HDAC9: variants seen among roughly 807,000 people sequenced by gnomAD.
The protein encoded by HDAC9 is histone deacetylase 9, also known as MEF-2 interacting transcription repressor (MITR) protein.
In HDAC9, 41 loss-of-function variants were observed where a neutral mutation model predicts 139.4. The observed-to-expected ratio is 0.29, with a 90% CI of 0.23 to 0.38. HDAC9 has a LOEUF of 0.38. HDAC9 is among the 10% of genes least tolerant of loss of function. HDAC9 has a pLI of 1.00. For missense variants in HDAC9, 1,147 were observed against 1,297.0 expected (o/e 0.88, Z 1.78); for synonymous variants, 517 against 476.2 (o/e 1.09, Z -1.12).
At chr7:18,566,308 T>G (rs948694198) in intron 2 of HDAC9, among the ~76,000 whole-genome samples, 2 of 152,366 alleles carry the variant, frequency 1.3e-5, no homozygotes, top group Non-Finnish European at 2.9e-5. Flanking sequence ...TAGATAAAGC[T>G]TTCTTCAGAG....
intron 2 of HDAC9, among the ~76,000 whole-genome samples, chr7:18,279,196 A>G (rs1007923515): frequency 5.3e-5 from 8 of 152,014 alleles, no homozygotes; most frequent in African/African-American, 1.9e-4. Flanking sequence ...TTGACACAAC[A>G]CAAGGAGATG....
chr7:18,841,531 C>T (rs1239815152), intron 21 of HDAC9, among the ~76,000 whole-genome samples: 2 of 151,992 alleles, frequency 1.3e-5, no homozygotes, highest in East Asian at 1.9e-4. Context: ...TCTTGAGCTT[C>T]GGTAGGTTTC....
chr7:18,458,260 C>T (rs1445951710), intron 1 of HDAC9, among the ~76,000 whole-genome samples: 1 of 152,146 alleles, frequency 6.6e-6, no homozygotes, highest in Non-Finnish European at 1.5e-5. Context: ...AAATGAAAAC[C>T]TGAACTAGGC....
At chr7:18,994,432 A>G (rs985889219) in intron 25 of HDAC9, among the ~76,000 whole-genome samples, 7 of 152,216 alleles carry the variant, frequency 4.6e-5, no homozygotes, top group South Asian at 2.1e-4. Context: ...TTTCTGAAGT[A>G]TGACTCATTT....
At chr7:18,208,208 C>T (rs1165784935) in intron 2 of HDAC9, among the ~76,000 whole-genome samples, 1 of 152,042 alleles carries the variant, frequency 6.6e-6, no homozygotes, top group Non-Finnish European at 1.5e-5. Flanking sequence ...AATTCAAATG[C>T]TTATAGTTAC....
At chr7:18,764,848 A>T (rs1242473977) in intron 15 of HDAC9, among the ~76,000 whole-genome samples, 1 of 152,140 alleles carries the variant, frequency 6.6e-6, no homozygotes, top group Non-Finnish European at 1.5e-5. Context: ...TAGAGTTAGG[A>T]GGAAGGGTTT....
At chr7:18,915,508 A>G (rs539615579) in intron 22 of HDAC9, among the ~76,000 whole-genome samples, 18 of 152,122 alleles carry the variant, frequency 1.2e-4, no homozygotes, top group African/African-American at 4.1e-4. Flanking sequence ...AAAAATTACA[A>G]AAAATTATGT....
chr7:18,283,573 A>G (rs137897115), intron 2 of HDAC9, among the ~76,000 whole-genome samples: 2 of 152,290 alleles, frequency 1.3e-5, no homozygotes, highest in Admixed American at 6.5e-5. Flanking sequence ...TCTTTTTTGC[A>G]TAATAGGTTG....
intron 1 of HDAC9, among the ~76,000 whole-genome samples, chr7:18,370,379 A>AT (rs1447554890): frequency 6.6e-6 from 1 of 152,148 alleles, no homozygotes; most frequent in Non-Finnish European, 1.5e-5. Context: ...GAAAACATTA[A>AT]TTTAGAGGGT....
chr7:18,965,370 A>G (rs529250740), intron 24 of HDAC9, among the ~76,000 whole-genome samples: 16 of 152,218 alleles, frequency 1.1e-4, no homozygotes, highest in Admixed American at 2.0e-4. Flanking sequence ...GAATATATCA[A>G]AACATTGACA....
chr7:18,534,566 A>G (rs1810224339), intron 2 of HDAC9, among the ~76,000 whole-genome samples: 1 of 152,134 alleles, frequency 6.6e-6, no homozygotes, highest in Non-Finnish European at 1.5e-5. Flanking sequence ...TTAGAGAGAG[A>G]GAGAAAAAGA....
At position 18,675,333 on chromosome 7, in the gene HDAC9, C is replaced by T. The variant is rs374919738; in HGVS notation, c.1731+8857C>T. Among the ~76,000 whole-genome samples the T allele has an allele frequency of 2.0e-4, 31 of 152,140 alleles. 1 individual carries two copies. Among genetic ancestry groups the T allele is most frequent in the African/African-American group, 7.5e-4 (31 of 41,526 alleles). On this transcript the variant is annotated intron_variant, in intron 12 of 25. Transcript: ENST00000686413. ...GTTGCAACTCCAACTTCCCCACCTACTAGCAACTCCATGTGAAGTAAATTA... is the reference window on the plus strand; with the variant it reads ...GTTGCAACTCCAACTTCCCCACCTATTAGCAACTCCATGTGAAGTAAATTA...
chr7:18,666,264 GA>G lies in HDAC9; in HGVS notation c.1521del (p.Ala508GlnfsTer41). 6.2e-7 allele frequency: 1 copy of G among 1,613,406 alleles called. No homozygotes were observed. Among genetic ancestry groups the G allele is most frequent in the East Asian group, 2.2e-5 (1 of 44,806 alleles). ...QLKQPGSHLE[E>X]AEEELQGDQA... is the part of the protein sequence containing the mutation. ...GAAGCAACCAGGCAGTCACCTTGAG[GA>G]AGCAGAGGAAGAGCTTCAGGGGGAC... is the stretch of plus-strand genomic sequence containing the variant. On this transcript the variant is annotated frameshift_variant, in exon 12 of 26. Transcript: ENST00000686413. LOFTEE classifies it high-confidence loss of function.
At chr7:18,516,975 A>G (rs1287569705) in intron 2 of HDAC9, among the ~76,000 whole-genome samples, 1 of 152,142 alleles carries the variant, frequency 6.6e-6, no homozygotes, top group African/African-American at 2.4e-5. Context: ...AGATTACTTA[A>G]AAAGACATCT....
chr7:18,395,548 A>C (rs1471594427), intron 1 of HDAC9, among the ~76,000 whole-genome samples: 1 of 151,708 alleles, frequency 6.6e-6, no homozygotes, highest in African/African-American at 2.4e-5. Flanking sequence ...AAAAAAAAAA[A>C]AAAACTAGAT....
intron 16 of HDAC9, among the ~76,000 whole-genome samples, chr7:18,770,227 C>T (rs922115222): frequency 7.2e-5 from 11 of 152,104 alleles, no homozygotes; most frequent in Non-Finnish European, 1.5e-4. Flanking sequence ...TTTCTGAATT[C>T]CTTTGTGTTT....
intron 1 of HDAC9, among the ~76,000 whole-genome samples, chr7:18,298,440 C>CA (rs1798298220): frequency 6.6e-6 from 1 of 152,076 alleles, no homozygotes; most frequent in South Asian, 2.1e-4. Context: ...TCCCCGCTCC[C>CA]CACCCCACCA....
rs3735618 is a variant in HDAC9 at position 18,396,781 on chromosome 7, A to C, written c.-41-99481A>C. Among the ~76,000 whole-genome samples the C allele has an allele frequency of 5.9e-5, 9 of 152,304 alleles. No homozygotes were observed. In the East Asian group the frequency reaches 1.7e-3, roughly 29 times the overall value. On this transcript the variant is annotated intron_variant, in intron 1 of 3. Coordinates refer to the HDAC9 transcript ENST00000413509. ...ATTTGGAATTTTACATGGGAAAAAT[A>C]CTTCAGTTAGCATGTTTATCCCACA...
At chr7:18,445,492 G>A (rs1263817919) in intron 1 of HDAC9, among the ~76,000 whole-genome samples, 3 of 152,190 alleles carry the variant, frequency 2.0e-5, no homozygotes, top group Non-Finnish European at 4.4e-5. Flanking sequence ...GCTGAAATAT[G>A]TAGGGGCTGA....
Sources: gnomAD v4.1 joint callset for allele counts (sites outside exome capture counted in the v4.1 genomes callset) on GRCh38, gnomAD v4.1.1 for gene constraint, MANE v1.5 for transcripts, NCBI Gene and HGNC (gene_info 2026-07-23, HGNC 2026-07-21) for gene names.